Variants in CDH18 observed in about 807,000 individuals in gnomAD.
CDH18 encodes the protein cadherin 18.
CDH18 carries 31 observed loss-of-function variants against 67.9 expected under a neutral mutation model. The ratio of observed to expected loss-of-function variants is 0.46; its 90% CI spans 0.34 to 0.62. The LOEUF (loss-of-function observed/expected upper bound fraction) is 0.62, where lower values mean the gene tolerates loss of function less well. Ranked by LOEUF, CDH18 falls within the 20% of genes least tolerant of loss-of-function variation. The pLI, the probability that CDH18 is intolerant of heterozygous loss-of-function variation, is 0.01. For missense variants in CDH18, 890 were observed against 975.5 expected (o/e 0.91, Z 1.17); for synonymous variants, 362 against 347.2 (o/e 1.04, Z -0.48).
chr5:20,507,327 T>G (rs1171736035), intron 1 of CDH18, among the ~76,000 whole-genome samples: 1 of 152,186 alleles, frequency 6.6e-6, no homozygotes, highest in Non-Finnish European at 1.5e-5. Flanking sequence ...ACATCCCCAG[T>G]GTTGAAAAGG....
At chr5:19,723,906 G>T (rs1456902694) in intron 4 of CDH18, among the ~76,000 whole-genome samples, 2 of 151,822 alleles carry the variant, frequency 1.3e-5, no homozygotes, top group African/African-American at 4.8e-5. Context: ...GTAGAGATGG[G>T]GTTTCACCAT....
intron 1 of CDH18, among the ~76,000 whole-genome samples, chr5:20,551,492 C>A (rs148736996): frequency 2.7e-3 from 405 of 152,256 alleles, no homozygotes; most frequent in African/African-American, 9.4e-3. Flanking sequence ...CACACACCCA[C>A]TTGCTGTTAA....
chr5:20,424,476 G>C (rs766193822), intron 1 of CDH18, among the ~76,000 whole-genome samples: 1 of 150,508 alleles, frequency 6.6e-6, no homozygotes, highest in Non-Finnish European at 1.5e-5. Flanking sequence ...GTGAGGCCTG[G>C]TGCGGTGGCT....
chr5:20,295,986 C>T (rs1227895302), intron 1 of CDH18, among the ~76,000 whole-genome samples: 2 of 149,142 alleles, frequency 1.3e-5, no homozygotes, highest in East Asian at 4.2e-4. Flanking sequence ...ATTCTCCTGC[C>T]TCAGCCTCCC....
intron 8 of CDH18, among the ~76,000 whole-genome samples, chr5:19,547,098 G>T (rs1419882973): frequency 1.3e-5 from 2 of 152,024 alleles, no homozygotes; most frequent in Non-Finnish European, 2.9e-5. Flanking sequence ...ACTTAATTCA[G>T]ATTGAGTCTA....
At chr5:19,510,454 G>A (rs2126822527) in intron 10 of CDH18, among the ~76,000 whole-genome samples, 1 of 152,208 alleles carries the variant, frequency 6.6e-6, no homozygotes, top group African/African-American at 2.4e-5. Flanking sequence ...ACAAGCAACA[G>A]CATAATAAGT....
intron 1 of CDH18, among the ~76,000 whole-genome samples, chr5:20,308,914 T>G (rs1005824829): frequency 2.0e-5 from 3 of 152,236 alleles, no homozygotes; most frequent in Non-Finnish European, 4.4e-5. Flanking sequence ...TGATTACAGA[T>G]ACCCCTTTAA....
chr5:19,707,284 A>T (rs1463648541), intron 5 of CDH18, among the ~76,000 whole-genome samples: 1 of 152,216 alleles, frequency 6.6e-6, no homozygotes, highest in East Asian at 1.9e-4. Flanking sequence ...GCTGTCGCAG[A>T]TGGTGGAAGA....
At chr5:19,987,921 C>T (rs1799731479) in intron 1 of CDH18, among the ~76,000 whole-genome samples, 165 bp downstream of exon 1, 1 of 152,122 alleles carries the variant, frequency 6.6e-6, no homozygotes, top group Admixed American at 6.5e-5. Context: ...ATAAGGCAGC[C>T]TGCATTAGCT....
At chr5:20,222,648 T>G (rs76036933) in intron 2 of CDH18, among the ~76,000 whole-genome samples, 3,579 of 152,064 alleles carry the variant, frequency 0.024, 147 homozygotes, top group African/African-American at 0.08. Flanking sequence ...AGATTTAACT[T>G]ATTTCAGTTT....
intron 2 of CDH18, among the ~76,000 whole-genome samples, chr5:20,207,728 G>A (rs1039334849): frequency 2.6e-5 from 4 of 152,062 alleles, no homozygotes; most frequent in Admixed American, 6.6e-5. Flanking sequence ...GATGAGATTT[G>A]GGTGGGGACA....
At chr5:19,784,008 A>G (rs1498105) in intron 3 of CDH18, among the ~76,000 whole-genome samples, 6,534 of 152,220 alleles carry the variant, frequency 0.043, 459 homozygotes, top group African/African-American at 0.15. Flanking sequence ...TTTATAGATG[A>G]GTAAAAACAT....
chr5:19,846,780 G>T (rs1783013672), intron 2 of CDH18, among the ~76,000 whole-genome samples: 1 of 152,054 alleles, frequency 6.6e-6, no homozygotes, highest in South Asian at 2.1e-4. Flanking sequence ...TCAAATAAAA[G>T]ACTCCTTTTG....
intron 6 of CDH18, among the ~76,000 whole-genome samples, chr5:19,594,506 G>GC (rs1561428484): frequency 6.6e-6 from 1 of 152,150 alleles, no homozygotes; most frequent in Non-Finnish European, 1.5e-5. Flanking sequence ...CCTTGTTGAA[G>GC]ATGATTTTAC....
At chr5:19,973,232 C>T (rs1798193143) in intron 2 of CDH18, among the ~76,000 whole-genome samples, 1 of 152,020 alleles carries the variant, frequency 6.6e-6, no homozygotes, top group African/African-American at 2.4e-5. Context: ...ATTTTAAATA[C>T]ACAGGCAAAT....
At chr5:20,501,364 T>A (rs1157462328) in intron 1 of CDH18, among the ~76,000 whole-genome samples, 2 of 148,388 alleles carry the variant, frequency 1.3e-5, no homozygotes, top group African/African-American at 4.9e-5. Context: ...ATCAACTATT[T>A]CTATAATTTA....
intron 5 of CDH18, among the ~76,000 whole-genome samples, chr5:19,669,415 C>T (rs1473195561): frequency 6.6e-6 from 1 of 151,680 alleles, no homozygotes; most frequent in African/African-American, 2.4e-5. Flanking sequence ...GCCTCAGCCG[C>T]CTGAGTAGCT....
intron 1 of CDH18, among the ~76,000 whole-genome samples, chr5:20,456,706 CA>C (rs34422441): frequency 0.4 from 61,383 of 151,850 alleles, 14,225 homozygotes; most frequent in Non-Finnish European, 0.52. Context: ...TAATTTTAAA[CA>C]CATGCAAAAT....
At chr5:20,144,281 C>T (rs1174099257) in intron 2 of CDH18, among the ~76,000 whole-genome samples, 1 of 151,956 alleles carries the variant, frequency 6.6e-6, no homozygotes, top group Non-Finnish European at 1.5e-5. Flanking sequence ...TACTGAGCTG[C>T]CTCTCTGCCA....
Sources: allele counts gnomAD v4.1 joint callset (sites outside exome capture counted in the v4.1 genomes callset), GRCh38; gene constraint gnomAD v4.1.1; transcripts MANE v1.5; gene names NCBI Gene and HGNC (gene_info 2026-07-23, HGNC 2026-07-21).